The following FGF14 variants were observed in gnomAD, a reference collection of about 807,000 sequenced individuals.
The protein encoded by FGF14 is fibroblast growth factor homologous factor 4.
FGF14 carries 5 observed loss-of-function variants against 25.5 expected under a neutral mutation model. The observed-to-expected ratio is 0.20, with a 90% CI of 0.10 to 0.41. FGF14 has a LOEUF of 0.41. Ranked by LOEUF, FGF14 falls within the 10% of genes least tolerant of loss-of-function variation. The pLI, the probability that FGF14 is intolerant of heterozygous loss-of-function variation, is 1.00. For synonymous variants in FGF14, 138 were observed against 118.3 expected (o/e 1.17, Z -1.08); for missense variants, 222 against 320.1 (o/e 0.69, Z 2.34).
chr13:102,311,481 G>A (rs1019630909), intron 1 of FGF14, among the ~76,000 whole-genome samples: 3 of 152,146 alleles, frequency 2.0e-5, no homozygotes, highest in African/African-American at 7.2e-5. Flanking sequence ...CCCCACAGCT[G>A]AATCGGGCCG....
chr13:101,799,674 G>A (rs1366038681), intron 3 of FGF14, among the ~76,000 whole-genome samples: 3 of 152,184 alleles, frequency 2.0e-5, no homozygotes, highest in East Asian at 3.9e-4. Context: ...CGTTGATTCT[G>A]CTCTACCTGG....
intron 1 of FGF14, among the ~76,000 whole-genome samples, chr13:101,959,466 GCCCT>G (rs1213686559): frequency 6.6e-6 from 1 of 152,110 alleles, no homozygotes; most frequent in South Asian, 2.1e-4. Context: ...CATCTTGAAT[GCCCT>G]CCCTGACTTT....
At position 101,717,327 on chromosome 13, in the gene FGF14, GA is replaced by G. The variant is rs1409079105; in HGVS notation, c.*5503del. On this transcript the variant is annotated 3_prime_UTR_variant, in exon 5 of 5. Transcript: ENST00000376143. ...ATAAAAATTGTTATCTCTATCCTGAGATTAAGGAGTGCAACCATGTTGTAGT... is the reference window on the plus strand; with the variant it reads ...ATAAAAATTGTTATCTCTATCCTGAGTTAAGGAGTGCAACCATGTTGTAGT... 2 of 152,092 alleles carry G rather than the reference GA, an allele frequency of 1.3e-5. No homozygotes were observed. The highest frequency in any genetic ancestry group is 2.4e-5 in the African/African-American group (1 of 41,436). The allele number at this position is 152,092 out of a possible 1,614,324, so 9.4% of individuals were successfully genotyped here.
chr13:102,078,380 A>G (rs1260814244), intron 1 of FGF14, among the ~76,000 whole-genome samples: 3 of 152,344 alleles, frequency 2.0e-5, no homozygotes, highest in Middle Eastern at 3.4e-3. Context: ...AGCGTGATGT[A>G]CACTATAAAA....
intron 1 of FGF14, among the ~76,000 whole-genome samples, chr13:102,073,430 G>A (rs2043230174): frequency 6.6e-6 from 1 of 152,160 alleles, no homozygotes; most frequent in Admixed American, 6.5e-5. Context: ...CACCTTTGAT[G>A]ATGGATTATA....
intron 1 of FGF14, among the ~76,000 whole-genome samples, chr13:102,070,956 A>AACACAC (rs56002219): frequency 1.3e-5 from 2 of 148,782 alleles, no homozygotes; most frequent in South Asian, 2.1e-4. Context: ...AACAAAACAA[A>AACACAC]ACACACACAC....
chr13:102,042,753 TA>T (rs895337136), intron 1 of FGF14, among the ~76,000 whole-genome samples: 3 of 152,348 alleles, frequency 2.0e-5, no homozygotes, highest in African/African-American at 7.2e-5. Flanking sequence ...TAGGAGAATA[TA>T]AAAAACAGAG....
intron 3 of FGF14, among the ~76,000 whole-genome samples, chr13:101,781,584 G>GTA (rs1005579115): frequency 2.0e-5 from 3 of 152,142 alleles, no homozygotes; most frequent in African/African-American, 7.2e-5. Context: ...AAAATATGGA[G>GTA]TATCTTTCAT....
At chr13:101,996,819 C>T (rs1057162880) in intron 1 of FGF14, among the ~76,000 whole-genome samples, 5 of 152,176 alleles carry the variant, frequency 3.3e-5, no homozygotes, top group African/African-American at 1.2e-4. Context: ...AAAATTACTG[C>T]TGCATGGAAC....
chr13:101,955,982 C>G (rs1025184543), intron 1 of FGF14, among the ~76,000 whole-genome samples: 3 of 152,338 alleles, frequency 2.0e-5, no homozygotes. Flanking sequence ...TTCACTTTCA[C>G]TTTTCATTTA....
chr13:102,033,690 G>A (rs1031534447), intron 1 of FGF14, among the ~76,000 whole-genome samples: 1 of 152,126 alleles, frequency 6.6e-6, no homozygotes, highest in Non-Finnish European at 1.5e-5. Context: ...GCCTGGCACC[G>A]AGTTATATTA....
rs71125043 is a variant in FGF14 at position 102,087,407 on chromosome 13, CTTTTTTTTTTT to C, written c.209-212122_209-212112del. 9.2e-4 allele frequency among the ~76,000 whole-genome samples: 78 copies of C among 84,444 alleles called. 1 individual carries two copies. The highest frequency in any genetic ancestry group is 2.2e-3 in the Admixed American group (13 of 5,824). The allele number at this position is 84,444 out of a possible 152,430, so 55.4% of individuals were successfully genotyped here. A position where few individuals can be genotyped will look rare whatever the true frequency, so the allele number is the denominator to read the frequency against. On this transcript the variant is annotated intron_variant, in intron 1 of 4. Transcript: ENST00000376131. ...AATAGTAAAAAATAGACTGTAATTTCTTTTTTTTTTTTTTTTTTTTTTGAGACAGATTCTTG... is the reference window on the plus strand; with the variant it reads ...AATAGTAAAAAATAGACTGTAATTTCTTTTTTTTTTTGAGACAGATTCTTG...
intron 1 of FGF14, among the ~76,000 whole-genome samples, chr13:102,233,107 C>T (rs958994979): frequency 3.2e-4 from 48 of 152,030 alleles, no homozygotes; most frequent in Non-Finnish European, 6.6e-4. Flanking sequence ...CCAAAGCATT[C>T]CTCAGCGTCT....
intron 1 of FGF14, among the ~76,000 whole-genome samples, chr13:102,279,229 G>A (rs1051482048): frequency 1.3e-5 from 2 of 150,636 alleles, no homozygotes; most frequent in African/African-American, 5.0e-5. Flanking sequence ...ATTTAATAAG[G>A]TTTATACAAT....
At chr13:101,992,230 AC>A (rs141384699) in intron 1 of FGF14, among the ~76,000 whole-genome samples, 1 of 152,216 alleles carries the variant, frequency 6.6e-6, no homozygotes, top group East Asian at 1.9e-4. Flanking sequence ...CTTTTGGGAA[AC>A]CCAAAGCAAT....
At chr13:102,039,448 G>A (rs1199093988) in intron 1 of FGF14, among the ~76,000 whole-genome samples, 1 of 152,096 alleles carries the variant, frequency 6.6e-6, no homozygotes, top group African/African-American at 2.4e-5. Flanking sequence ...CCAAAATCAA[G>A]GGGCCAGCAG....
At chr13:102,181,185 A>G (rs2048657811) in intron 1 of FGF14, among the ~76,000 whole-genome samples, 1 of 152,172 alleles carries the variant, frequency 6.6e-6, no homozygotes, top group African/African-American at 2.4e-5. Context: ...TATTTTTTAA[A>G]AAAGTTTAAA....
intron 1 of FGF14, among the ~76,000 whole-genome samples, chr13:101,905,016 G>A (rs1345764720): frequency 6.6e-6 from 1 of 152,174 alleles, no homozygotes; most frequent in African/African-American, 2.4e-5. Flanking sequence ...CTCTTTAGTG[G>A]CTTACTCCAA....
intron 1 of FGF14, among the ~76,000 whole-genome samples, chr13:101,964,177 G>T (rs1340113787): frequency 2.0e-5 from 3 of 152,102 alleles, no homozygotes; most frequent in Non-Finnish European, 4.4e-5. Flanking sequence ...TCAGTTCAAT[G>T]TATTAAATAT....
Sources: gnomAD v4.1 joint callset for allele counts (sites outside exome capture counted in the v4.1 genomes callset) on GRCh38, gnomAD v4.1.1 for gene constraint, MANE v1.5 for transcripts, NCBI Gene and HGNC (gene_info 2026-07-23, HGNC 2026-07-21) for gene names.